RUFY2: variants seen among roughly 807,000 people sequenced by gnomAD.
The protein encoded by RUFY2 is RUN and FYVE domain-containing protein 2.
A neutral mutation model predicts 94.4 loss-of-function variants in RUFY2; 49 were observed. The ratio of observed to expected loss-of-function variants is 0.52; its 90% CI spans 0.41 to 0.66. The LOEUF (loss-of-function observed/expected upper bound fraction) is 0.66, where lower values mean the gene tolerates loss of function less well. RUFY2 is among the 30% of genes least tolerant of loss of function. The pLI, the probability that RUFY2 is intolerant of heterozygous loss-of-function variation, is 0.00. For missense variants in RUFY2, 541 were observed against 692.8 expected (o/e 0.78, Z 2.46); for synonymous variants, 255 against 235.7 (o/e 1.08, Z -0.75).
At chr10:68,359,128 C>T (rs2047254849) in intron 15 of RUFY2, among the ~76,000 whole-genome samples, 1 of 151,952 alleles carries the variant, frequency 6.6e-6, no homozygotes, top group African/African-American at 2.4e-5. Context: ...CCTGTAATCC[C>T]AACCCTTTGG....
At chr10:68,385,998 TAAAATG>T in intron 8 of RUFY2, 55 bp downstream of exon 8, 1 of 1,138,248 alleles carries the variant, frequency 8.8e-7, no homozygotes, top group South Asian at 1.4e-5. Context: ...CATTCATACT[TAAAATG>T]GAAAAGGATC....
downstream of RUFY2, chr10:68,342,786 GTAGGGT>G (rs1250026615): frequency 6.5e-6 from 1 of 152,708 alleles, no homozygotes; most frequent in East Asian, 1.9e-4. Context: ...ATGTCTTAGA[GTAGGGT>G]TAAGGTTCTC....
chr10:68,366,618 T>C (rs188646858), intron 13 of RUFY2, among the ~76,000 whole-genome samples: 1 of 148,690 alleles, frequency 6.7e-6, no homozygotes, highest in Non-Finnish European at 1.5e-5. Flanking sequence ...GGCACACACA[T>C]TTAATCCCAG....
At chr10:68,351,288 C>T (rs138056612) in intron 16 of RUFY2, among the ~76,000 whole-genome samples, 68 of 151,402 alleles carry the variant, frequency 4.5e-4, no homozygotes, top group African/African-American at 1.5e-3. Context: ...TGTGCCACCA[C>T]GCCCGGCTAA....
intron 2 of RUFY2, among the ~76,000 whole-genome samples, chr10:68,403,865 C>G (rs2051059812): frequency 6.7e-6 from 1 of 150,046 alleles, no homozygotes; most frequent in African/African-American, 2.5e-5. Context: ...ACTCAGAGTT[C>G]ACTGAAGCCT....
intron 14 of RUFY2, 33 bp from the exon 15 acceptor site, chr10:68,363,717 T>C (rs2047617755): frequency 7.3e-7 from 1 of 1,374,218 alleles, no homozygotes; most frequent in Non-Finnish European, 1.0e-6. Flanking sequence ...AAATGAAATT[T>C]AAAAGAAAGA....
intron 13 of RUFY2, among the ~76,000 whole-genome samples, chr10:68,367,761 T>C (rs566446654): frequency 7.2e-6 from 1 of 138,214 alleles, no homozygotes; most frequent in Admixed American, 7.2e-5. Context: ...TCTCTTTCCT[T>C]CCTTTCTTTC....
At chr10:68,355,429 T>G in intron 15 of RUFY2, 28 bp from the exon 16 acceptor site, 1 of 1,396,936 alleles carries the variant, frequency 7.2e-7, no homozygotes, top group Non-Finnish European at 1.0e-6. Flanking sequence ...AGGTCCAAAT[T>G]TCAGTACACA....
intron 16 of RUFY2, chr10:68,346,577 ATTCTC>A (rs1265178610): frequency 6.6e-6 from 1 of 152,470 alleles, no homozygotes; most frequent in Admixed American, 6.5e-5. Context: ...GCTGATGGGA[ATTCTC>A]TTCAGGAAAA....
At position 68,377,336 on chromosome 10, in the gene RUFY2, A is replaced by C. The variant is rs897004625; in HGVS notation, c.1206-364T>G. The C allele has an allele frequency of 5.5e-6, 6 of 1,084,952 alleles. No homozygotes were observed. The African/African-American group carries it at 1.0e-4, about 19-fold the overall frequency. The allele number at this position is 1,084,952 out of a possible 1,614,324, so 67.2% of individuals were successfully genotyped here. Reference sequence around the variant, plus strand: ...ACCTTTTTACAAAACCATGAAAAGCAAAGGATTTATGCCTACACTAGGTGA... The same window carrying C: ...ACCTTTTTACAAAACCATGAAAAGCCAAGGATTTATGCCTACACTAGGTGA... On this transcript the variant is annotated intron_variant, in intron 12 of 17. Coordinates refer to ENST00000602465, the MANE Select transcript of RUFY2 (RefSeq NM_001330103.2).
At chr10:68,399,448 T>G (rs34404708) in intron 3 of RUFY2, among the ~76,000 whole-genome samples, 1 of 152,170 alleles carries the variant, frequency 6.6e-6, no homozygotes, top group African/African-American at 2.4e-5. Context: ...ATTATAATAA[T>G]AACCTCTACC....
intron 15 of RUFY2, 72 bp from the exon 16 acceptor site, chr10:68,355,473 G>GT: frequency 1.1e-6 from 1 of 900,518 alleles, no homozygotes; most frequent in Non-Finnish European, 1.8e-6. Flanking sequence ...ATTTCAGTAG[G>GT]TATTGGTATT....
chr10:68,377,097 G>A (rs2048730009), intron 12 of RUFY2, 125 bp from the exon 13 acceptor site: 1 of 1,513,102 alleles, frequency 6.6e-7, no homozygotes, highest in Non-Finnish European at 8.8e-7. Context: ...AAAGTTTGGG[G>A]GAAAACTCAC....
rs956966146 is a variant in RUFY2, at chr10:68,377,510, C to CTT, written c.1206-539_1206-538insAA. 99 of 981,190 alleles carry CTT rather than the reference C, an allele frequency of 1.0e-4. No individual in the cohort carries two copies. The Middle Eastern group carries it at 1.6e-3, about 16-fold the overall frequency. 60.8% of individuals were successfully genotyped at this position (981,190 alleles called of 1,614,324 possible). ...ATGCATTTACTAAATTATGCCGAAG[C>CTT]TCTGTGTGTGTGTGTGTGTGCACGT... On this transcript the variant is annotated intron_variant, in intron 12 of 17. Transcript: ENST00000602465.
chr10:68,370,507 C>A (rs1348564483), intron 13 of RUFY2, among the ~76,000 whole-genome samples: 1 of 140,310 alleles, frequency 7.1e-6, no homozygotes, highest in Non-Finnish European at 1.5e-5. Flanking sequence ...ATTAGCCAAG[C>A]ATAGTGGTGT....
At chr10:68,389,014 T>C (rs956840362) in intron 7 of RUFY2, among the ~76,000 whole-genome samples, 21 of 152,014 alleles carry the variant, frequency 1.4e-4, no homozygotes, top group African/African-American at 5.1e-4. Flanking sequence ...CACCTCAGCC[T>C]CCTGAGCAGC....
At chr10:68,368,947 G>GA (rs2048056848) in intron 13 of RUFY2, among the ~76,000 whole-genome samples, 1 of 152,052 alleles carries the variant, frequency 6.6e-6, no homozygotes, top group South Asian at 2.1e-4. Context: ...AAACACCCGA[G>GA]AAAAAACCCA....
chr10:68,372,768 G>T (rs1170719600), intron 13 of RUFY2, among the ~76,000 whole-genome samples: 2 of 151,802 alleles, frequency 1.3e-5, no homozygotes, highest in Non-Finnish European at 2.9e-5. Context: ...AATTAGCCAG[G>T]TATGGTGACA....
chr10:68,372,098 T>C (rs2048318123), intron 13 of RUFY2, among the ~76,000 whole-genome samples: 1 of 152,094 alleles, frequency 6.6e-6, no homozygotes, highest in Non-Finnish European at 1.5e-5. Flanking sequence ...AGCAACATAA[T>C]AAGACCTCAT....
Sources: allele counts gnomAD v4.1 joint callset (sites outside exome capture counted in the v4.1 genomes callset), GRCh38; gene constraint gnomAD v4.1.1; transcripts MANE v1.5; gene names NCBI Gene and HGNC (gene_info 2026-07-23, HGNC 2026-07-21).